The following FER1L6 variants were observed in gnomAD, a reference collection of about 807,000 sequenced individuals.
The protein encoded by FER1L6 is fer-1 like family member 6, also known as fer-1-like protein 6.
In FER1L6, 177 loss-of-function variants were observed where a neutral mutation model predicts 219.2. That is an observed-to-expected ratio of 0.81 (90% CI 0.71 to 0.91). FER1L6 has a LOEUF of 0.91. FER1L6 is among the 40% of genes least tolerant of loss of function. FER1L6 has a pLI of 0.00. For synonymous variants in FER1L6, 768 were observed against 824.3 expected, an observed-to-expected ratio of 0.93 and a Z score of 1.17; for missense variants, 2,153 against 2,259.9, an observed-to-expected ratio of 0.95 and a Z score of 0.96.
chr8:124,027,921 C>A (rs1818782344), intron 18 of FER1L6, among the ~76,000 whole-genome samples: 2 of 152,168 alleles, frequency 1.3e-5, no homozygotes, highest in Admixed American at 1.3e-4. Flanking sequence ...GTTTTTCACC[C>A]AAGTCATTCA....
At chr8:123,875,522 T>C (rs1482953353) in intron 1 of FER1L6, among the ~76,000 whole-genome samples, 2 of 152,196 alleles carry the variant, frequency 1.3e-5, no homozygotes, top group African/African-American at 4.8e-5. Flanking sequence ...GGGGCTTATC[T>C]GATTTCATGA....
In FER1L6 at chr8:123,852,536, A is replaced by G. The variant is rs1234119193; in HGVS notation, c.-8+351A>G. On this transcript the variant is annotated intron_variant, in intron 1 of 40. Coordinates refer to ENST00000522917, the MANE Select transcript of FER1L6 (RefSeq NM_001039112.2). This position sits in a 1 kb window ranked among gnomAD's most constrained non-coding sequence, Gnocchi z 4.9. ...TGTTTGACAGAGACAGAGGGAGGAG[A>G]AAGAAGAGAGACTGGTAAAATTTTG... Among the ~76,000 whole-genome samples the G allele has an allele frequency of 6.6e-6, 1 of 151,274 alleles. No homozygotes were observed. The highest frequency in any genetic ancestry group is 1.9e-4 in the East Asian group (1 of 5,160).
chr8:124,014,969 T>C (rs1305318960), intron 15 of FER1L6, among the ~76,000 whole-genome samples: 1 of 152,186 alleles, frequency 6.6e-6, no homozygotes, highest in African/African-American at 2.4e-5. Flanking sequence ...ACGTGGTTAT[T>C]TGCAGAATTC....
At chr8:124,032,251 C>A (rs956150652) in intron 18 of FER1L6, among the ~76,000 whole-genome samples, 3 of 73,982 alleles carry the variant, frequency 4.1e-5, no homozygotes, top group East Asian at 3.1e-4. Flanking sequence ...ATGGTGAAAC[C>A]CTATCTCTAC....
At chr8:123,954,337 G>C (rs1197377621) in intron 1 of FER1L6, among the ~76,000 whole-genome samples, 1 of 152,092 alleles carries the variant, frequency 6.6e-6, no homozygotes, top group Non-Finnish European at 1.5e-5. Flanking sequence ...GCCTCTGCTT[G>C]CATGCCTCCA....
chr8:123,902,999 T>C (rs903561141), intron 1 of FER1L6, among the ~76,000 whole-genome samples: 3 of 152,210 alleles, frequency 2.0e-5, no homozygotes, highest in Non-Finnish European at 2.9e-5. Context: ...TGTTTGGTAA[T>C]GGCAAATTCT....
At chr8:123,942,860 C>G (rs972565991) in intron 1 of FER1L6, among the ~76,000 whole-genome samples, 3 of 152,204 alleles carry the variant, frequency 2.0e-5, no homozygotes, top group African/African-American at 7.2e-5. Flanking sequence ...CAGGTGGTTT[C>G]AGAGGTATTT....
At chr8:124,006,698 G>A (rs1447107270) in intron 13 of FER1L6, among the ~76,000 whole-genome samples, 1 of 152,174 alleles carries the variant, frequency 6.6e-6, no homozygotes, top group African/African-American at 2.4e-5. Flanking sequence ...ATCATGTGAT[G>A]ACCCAAAGTC....
chr8:123,975,599 G>A (rs1816034136), intron 8 of FER1L6, among the ~76,000 whole-genome samples: 1 of 152,152 alleles, frequency 6.6e-6, no homozygotes, highest in South Asian at 2.1e-4. Flanking sequence ...TTCTTTGAAG[G>A]AATTATAATT....
At position 124,023,732 on chromosome 8, in the gene FER1L6, G is replaced by T. The variant is rs975031520; in HGVS notation, c.2286+136G>T. Reference sequence around the variant, plus strand: ...GTAGGAGGACAACTAGAACACCTTGGTGCCTCTTGGTTCAAATTGCAATTC... The same window carrying T: ...GTAGGAGGACAACTAGAACACCTTGTTGCCTCTTGGTTCAAATTGCAATTC... On this transcript the variant is annotated intron_variant, in intron 18 of 40. Transcript: ENST00000522917. 5.9e-6 allele frequency: 5 copies of T among 850,334 alleles called. No homozygotes were observed. In the African/African-American group the frequency reaches 8.6e-5, roughly 15 times the overall value. 52.7% of individuals were successfully genotyped at this position (850,334 alleles called of 1,614,324 possible). A position where few individuals can be genotyped will look rare whatever the true frequency, so the allele number is the denominator to read the frequency against.
chr8:124,007,761 GATGGAAGAAAAGA>G lies in FER1L6; in HGVS notation c.1701-2820_1701-2808del, dbSNP rs553866501. Among the ~76,000 whole-genome samples, 242 of 152,274 alleles carry G rather than the reference GATGGAAGAAAAGA, an allele frequency of 1.6e-3. 1 individual carries two copies. The highest frequency in any genetic ancestry group is 5.1e-3 in the African/African-American group (214 of 41,560). On this transcript the variant is annotated intron_variant, in intron 13 of 40. Coordinates refer to ENST00000522917, the MANE Select transcript of FER1L6 (RefSeq NM_001039112.2). ...GGCAACAAAAAATATCAGATGGATG[GATGGAAGAAAAGA>G]ATGGAAGAAAAGTGGATGGAGGGAA...
intron 1 of FER1L6, among the ~76,000 whole-genome samples, chr8:123,892,352 C>T (rs1586444477): frequency 6.6e-6 from 1 of 152,122 alleles, no homozygotes; most frequent in East Asian, 1.9e-4. Context: ...AGTGCAATGG[C>T]ATGATCTTGG....
At chr8:124,015,719 A>G (rs2130596660) in intron 15 of FER1L6, among the ~76,000 whole-genome samples, 1 of 151,544 alleles carries the variant, frequency 6.6e-6, no homozygotes, top group African/African-American at 2.4e-5. Context: ...GCAAATTAAA[A>G]GCTCAATAAC....
chr8:123,888,808 G>A (rs1447253661), intron 1 of FER1L6, among the ~76,000 whole-genome samples: 1 of 152,180 alleles, frequency 6.6e-6, no homozygotes, highest in Non-Finnish European at 1.5e-5. Flanking sequence ...GTGTGAGTGT[G>A]TGTATATACA....
chr8:123,904,267 T>TGTGTGTGTGA (rs1563679522), intron 1 of FER1L6, among the ~76,000 whole-genome samples: 2 of 147,008 alleles, frequency 1.4e-5, no homozygotes, highest in Non-Finnish European at 3.0e-5. Flanking sequence ...TGTGTGTGTG[T>TGTGTGTGTGA]GATGTGTGGG....
At chr8:124,061,158 G>A (rs947045606) in intron 24 of FER1L6, among the ~76,000 whole-genome samples, 9 of 152,084 alleles carry the variant, frequency 5.9e-5, no homozygotes, top group Non-Finnish European at 1.2e-4. Context: ...TAATGGCTAC[G>A]TTTTTAAAAA....
At chr8:124,085,618 A>G (rs772257043) in intron 33 of FER1L6, among the ~76,000 whole-genome samples, 2 of 151,760 alleles carry the variant, frequency 1.3e-5, no homozygotes, top group Non-Finnish European at 2.9e-5. Context: ...AAAAAATTTT[A>G]AAGACTTGTT....
chr8:123,988,767 CA>C (rs112068443), intron 12 of FER1L6, among the ~76,000 whole-genome samples: 6,536 of 152,292 alleles, frequency 0.043, 309 homozygotes, highest in African/African-American at 0.12. Context: ...ATATCATCTG[CA>C]AACAAGGATT....
At position 124,118,960 on chromosome 8, in the gene FER1L6, A is replaced by G; in HGVS notation, c.5390+16A>G. ...CCAAGCCCAAGTGAGTGGAGTTGCTAGTGGGAACATCAGAAATGGGAAGGG... is the reference window on the plus strand; with the variant it reads ...CCAAGCCCAAGTGAGTGGAGTTGCTGGTGGGAACATCAGAAATGGGAAGGG... On this transcript the variant is annotated intron_variant, in intron 40 of 40. Coordinates refer to ENST00000522917, the MANE Select transcript of FER1L6 (RefSeq NM_001039112.2). The G allele has an allele frequency of 6.3e-7, 1 of 1,592,182 alleles. No homozygotes were observed.
Sources: allele counts gnomAD v4.1 joint callset (sites outside exome capture counted in the v4.1 genomes callset), GRCh38; gene constraint gnomAD v4.1.1; non-coding constraint Gnocchi (gnomAD v3.1); transcripts MANE v1.5; gene names NCBI Gene and HGNC (gene_info 2026-07-23, HGNC 2026-07-21).